Variants in MLC1 observed in about 807,000 individuals in gnomAD.
The protein encoded by MLC1 is membrane protein MLC1.
Under a neutral mutation model 44.7 loss-of-function variants are expected in MLC1, and 32 were observed. The observed-to-expected ratio is 0.72, with a 90% CI of 0.54 to 0.96. The LOEUF (loss-of-function observed/expected upper bound fraction) is 0.96, where lower values mean the gene tolerates loss of function less well. Among genes scored for constraint, MLC1 ranks in the 40% least tolerant of loss-of-function variants. MLC1 has a pLI of 0.00. For missense variants in MLC1, 459 were observed against 492.2 expected (o/e 0.93, Z 0.64); for synonymous variants, 190 against 213.0 (o/e 0.89, Z 0.94).
intron 9 of MLC1, 61 bp downstream of exon 9, chr22:50,070,465 TA>T (rs112301181): frequency 6.9e-7 from 1 of 1,448,214 alleles, no homozygotes. Flanking sequence ...AAGGGAGGGC[TA>T]GGCCAGGCCC....
chr22:50,063,232 T>C (rs2061608576), intron 11 of MLC1, among the ~76,000 whole-genome samples: 1 of 152,094 alleles, frequency 6.6e-6, no homozygotes, highest in African/African-American at 2.4e-5. Flanking sequence ...TCCAGCACTT[T>C]GGGAGGCCAA....
rs80358242 is a variant in MLC1 at position 50,084,727 on chromosome 22, C to T, written c.176G>A (p.Gly59Glu). The T allele has an allele frequency of 3.1e-6, 5 of 1,613,950 alleles. No individual in the cohort carries two copies. Among genetic ancestry groups the T allele is most frequent in the Non-Finnish European group, 4.2e-6 (5 of 1,179,998 alleles). ...AGGGCTTAGTGTGGAGCTACTCACC[C>T]CCATCAGCACAGAGAAGACCCACGT... ...HKTWVFSVLM[G>E]SCLLVTSGFS... The change falls in exon 2 of 12, where the codon GGG (glycine) becomes GAG (glutamate). Residue 59 changes from glycine to glutamate, a missense_variant and splice_region_variant. Coordinates refer to ENST00000311597, the MANE Select transcript of MLC1 (RefSeq NM_015166.4).
intron 6 of MLC1, 44 bp downstream of exon 6, chr22:50,077,357 T>A (rs1158077973): frequency 6.4e-7 from 1 of 1,557,838 alleles, no homozygotes; most frequent in Non-Finnish European, 8.8e-7. Context: ...CCTGGGGTGA[T>A]GCCTCTGCAC....
At chr22:50,068,164 C>G (rs973471991) in intron 10 of MLC1, among the ~76,000 whole-genome samples, 3 of 152,230 alleles carry the variant, frequency 2.0e-5, no homozygotes, top group African/African-American at 7.2e-5. Flanking sequence ...AGGACAGATT[C>G]TAAAATGGGC....
chr22:50,079,680 ATTT>A (rs1459995621), intron 5 of MLC1, among the ~76,000 whole-genome samples: 2 of 151,782 alleles, frequency 1.3e-5, no homozygotes, highest in African/African-American at 2.4e-5. Flanking sequence ...GTCACTGTTA[ATTT>A]TTAAGGACTG....
intron 11 of MLC1, among the ~76,000 whole-genome samples, chr22:50,061,887 G>A (rs937253494): frequency 1.3e-5 from 2 of 152,290 alleles, no homozygotes; most frequent in South Asian, 2.1e-4. Flanking sequence ...GGTTTCTACC[G>A]AGCCTGGGAT....
intron 7 of MLC1, among the ~76,000 whole-genome samples, chr22:50,076,229 C>T (rs751916609): frequency 2.0e-5 from 3 of 152,048 alleles, no homozygotes; most frequent in Non-Finnish European, 2.9e-5. Context: ...AACAATTATA[C>T]CAAAGTACAA....
chr22:50,066,696 C>G lies in MLC1; in HGVS notation c.894+1737G>C, dbSNP rs567482796. On this transcript the variant is annotated intron_variant, in intron 10 of 11. Coordinates refer to ENST00000311597, the MANE Select transcript of MLC1 (RefSeq NM_015166.4). ...AATGGCAAGGTACAGAATAGTGATT[C>G]TAGTATACAAGCTATTTTGTAAGAA... 9.2e-5 allele frequency among the ~76,000 whole-genome samples: 14 copies of G among 151,796 alleles called. No homozygotes were observed. In the South Asian group the frequency reaches 2.9e-3, roughly 32 times the overall value.
intron 6 of MLC1, 58 bp from the exon 7 acceptor site, chr22:50,076,970 G>A (rs112940411): frequency 1.2e-5 from 19 of 1,590,162 alleles, no homozygotes; most frequent in Middle Eastern, 1.7e-4. Context: ...CAGCACTGCC[G>A]CTGGCATCCG....
chr22:50,073,347 C>T (rs2061903735), intron 8 of MLC1, among the ~76,000 whole-genome samples: 1 of 152,218 alleles, frequency 6.6e-6, no homozygotes, highest in African/African-American at 2.4e-5. Flanking sequence ...CGGCAAGGTG[C>T]TGAGAACCTC....
chr22:50,070,014 C>G (rs988674982), intron 9 of MLC1, among the ~76,000 whole-genome samples: 3 of 152,046 alleles, frequency 2.0e-5, no homozygotes, highest in African/African-American at 7.2e-5. Context: ...CCAGCCTGGC[C>G]AACATGGTGA....
chr22:50,061,532 C>G lies in MLC1; in HGVS notation c.*51G>C. ...CAGGGCGATTAGGGGTTGTGCGTTTCCATGCTTGGGGCCAGGCTGGGCGCT... is the reference window on the plus strand; with the variant it reads ...CAGGGCGATTAGGGGTTGTGCGTTTGCATGCTTGGGGCCAGGCTGGGCGCT... On this transcript the variant is annotated 3_prime_UTR_variant, in exon 12 of 12. Transcript: ENST00000311597. 1.3e-6 allele frequency: 2 copies of G among 1,569,432 alleles called. No homozygotes were observed. Among genetic ancestry groups the G allele is most frequent in the Non-Finnish European group, 1.8e-6 (2 of 1,142,044 alleles).
chr22:50,080,302 C>G, intron 4 of MLC1, 42 bp downstream of exon 4: 1 of 1,580,248 alleles, frequency 6.3e-7, no homozygotes, highest in Non-Finnish European at 8.6e-7. Flanking sequence ...TCAGCCCCTC[C>G]GGCTTTCTCC....
chr22:50,062,867 G>A (rs569430494), intron 11 of MLC1, among the ~76,000 whole-genome samples: 122 of 152,320 alleles, frequency 8.0e-4, no homozygotes, highest in African/African-American at 2.8e-3. Flanking sequence ...GGGGGAAGAC[G>A]CTGAGCCTCT....
At chr22:50,079,844 A>G (rs2062074072) in intron 5 of MLC1, 74 bp downstream of exon 5, 10 of 1,122,612 alleles carry the variant, frequency 8.9e-6, no homozygotes, top group Non-Finnish European at 1.4e-5. Context: ...CAGCTCAACA[A>G]ACATTTGCTG....
At chr22:50,074,132 C>T in intron 8 of MLC1, 84 bp downstream of exon 8, 3 of 1,178,874 alleles carry the variant, frequency 2.5e-6, no homozygotes, top group Non-Finnish European at 3.7e-6. Context: ...CTGAATGCAC[C>T]AAGACTGAGC....
intron 11 of MLC1, among the ~76,000 whole-genome samples, chr22:50,063,806 G>GCGAC: frequency 1.7e-5 from 2 of 118,580 alleles, no homozygotes; most frequent in Admixed American, 9.8e-5. Flanking sequence ...CACCTCCCCA[G>GCGAC]CACCTGCACC....
intron 5 of MLC1, 38 bp downstream of exon 5, chr22:50,079,880 G>A: frequency 7.2e-7 from 1 of 1,396,598 alleles, no homozygotes; most frequent in Non-Finnish European, 1.0e-6. Flanking sequence ...GTGGGGCTGT[G>A]GGTGTCAGGC....
chr22:50,063,634 C>T (rs2061620569), intron 11 of MLC1, among the ~76,000 whole-genome samples: 1 of 151,456 alleles, frequency 6.6e-6, no homozygotes, highest in Non-Finnish European at 1.5e-5. Context: ...GGCCTCTCAC[C>T]TCCCCAGCGG....
Sources: allele counts gnomAD v4.1 joint callset (sites outside exome capture counted in the v4.1 genomes callset), GRCh38; gene constraint gnomAD v4.1.1; transcripts MANE v1.5; gene names NCBI Gene and HGNC (gene_info 2026-07-23, HGNC 2026-07-21).